Variants in DNM3 observed in about 807,000 individuals in gnomAD.
DNM3 encodes the protein dynamin-3.
DNM3 carries 47 observed loss-of-function variants against 101.6 expected under a neutral mutation model. The observed-to-expected ratio is 0.46, with a 90% CI of 0.37 to 0.59. DNM3 has a LOEUF of 0.59. DNM3 is among the 20% of genes least tolerant of loss of function. The pLI is 0.00. For synonymous variants in DNM3, 385 were observed against 387.9 expected (o/e 0.99, Z 0.09); for missense variants, 849 against 1,085.7 (o/e 0.78, Z 3.06).
At chr1:172,276,557 A>ATATGTGTGTGTGTGTGTGTGTGTG (rs1553218156) in intron 15 of DNM3, among the ~76,000 whole-genome samples, 1 of 144,262 alleles carries the variant, frequency 6.9e-6, no homozygotes, top group African/African-American at 2.6e-5. Flanking sequence ...AAAAATCTTA[A>ATATGTGTGTGTGTGTGTGTGTGTG]TGTGTGTGTG....
intron 14 of DNM3, among the ~76,000 whole-genome samples, chr1:172,197,205 A>T (rs572717407): frequency 2.6e-5 from 4 of 151,996 alleles, no homozygotes; most frequent in African/African-American, 4.8e-5. Flanking sequence ...TTTGTCGAAG[A>T]TCAGATTGTT....
intron 15 of DNM3, among the ~76,000 whole-genome samples, chr1:172,282,278 A>G (rs2757505): frequency 3.3e-5 from 5 of 152,072 alleles, no homozygotes; most frequent in African/African-American, 1.2e-4. Context: ...TTGTGAACTA[A>G]TCACTTTCTC....
At chr1:172,122,136 G>A (rs1406000835) in intron 13 of DNM3, among the ~76,000 whole-genome samples, 1 of 152,058 alleles carries the variant, frequency 6.6e-6, no homozygotes, top group Non-Finnish European at 1.5e-5. Flanking sequence ...TTAATCACAT[G>A]AGTATTATAG....
At chr1:171,915,846 G>A (rs2145380) in intron 1 of DNM3, among the ~76,000 whole-genome samples, 3 of 151,958 alleles carry the variant, frequency 2.0e-5, no homozygotes, top group Admixed American at 6.5e-5. Context: ...CTGGTAGCTC[G>A]TTTCTATTCT....
At chr1:171,952,250 A>G (rs996632746) in intron 2 of DNM3, among the ~76,000 whole-genome samples, 2 of 152,224 alleles carry the variant, frequency 1.3e-5, no homozygotes, top group African/African-American at 4.8e-5. Context: ...TTATCTGCAA[A>G]TGCAAACTTC....
intron 20 of DNM3, among the ~76,000 whole-genome samples, chr1:172,396,311 G>A (rs2069995090): frequency 6.6e-6 from 1 of 152,156 alleles, no homozygotes; most frequent in African/African-American, 2.4e-5. Context: ...GCAAGGTAGG[G>A]TCTTCCTAAC....
intron 4 of DNM3, among the ~76,000 whole-genome samples, chr1:172,020,260 C>T (rs867788692): frequency 4.6e-5 from 7 of 152,056 alleles, no homozygotes; most frequent in East Asian, 1.9e-4. Context: ...TAGGTGGGAC[C>T]GGATGGCTAC....
intron 15 of DNM3, among the ~76,000 whole-genome samples, chr1:172,271,328 G>A (rs370235911): frequency 6.6e-6 from 1 of 152,030 alleles, no homozygotes; most frequent in South Asian, 2.1e-4. Context: ...AATTAAAAAT[G>A]AGGTTTTAAA....
At chr1:172,196,336 T>C (rs2059948246) in intron 14 of DNM3, among the ~76,000 whole-genome samples, 1 of 152,068 alleles carries the variant, frequency 6.6e-6, no homozygotes, top group Admixed American at 6.6e-5. Flanking sequence ...ATTCCGTGTC[T>C]TTGCTATTGT....
chr1:171,878,154 A>T (rs1380448366), intron 1 of DNM3, among the ~76,000 whole-genome samples: 1 of 152,182 alleles, frequency 6.6e-6, no homozygotes, highest in East Asian at 1.9e-4. Flanking sequence ...GGTATTAAAG[A>T]TAAGACTTCC....
At chr1:172,115,250 C>T (rs898572684) in intron 13 of DNM3, among the ~76,000 whole-genome samples, 3 of 151,952 alleles carry the variant, frequency 2.0e-5, no homozygotes, top group Non-Finnish European at 4.4e-5. Context: ...CTTTTTTCCC[C>T]TCTCATACCA....
chr1:172,338,164 C>T (rs1041315385), intron 17 of DNM3, among the ~76,000 whole-genome samples: 1 of 152,086 alleles, frequency 6.6e-6, no homozygotes, highest in African/African-American at 2.4e-5. Context: ...ATCCACCTGC[C>T]TCAGCCTCCC....
At position 171,884,188 on chromosome 1, in the gene DNM3, G is replaced by A. The variant is rs185439305; in HGVS notation, c.162-37560G>A. ...AGTTTGTTAGTGGAAACAGAAGCAC[G>A]TGGTTTCTGATTTGGTTCTGGTGTT... On this transcript the variant is annotated intron_variant, in intron 1 of 20. Coordinates refer to ENST00000627582, the MANE Select transcript of DNM3 (RefSeq NM_015569.5). 2.6e-4 allele frequency among the ~76,000 whole-genome samples: 39 copies of A among 152,338 alleles called. No individual in the cohort carries two copies. The East Asian group carries it at 6.0e-3, about 23-fold the overall frequency.
intron 1 of DNM3, among the ~76,000 whole-genome samples, chr1:171,919,940 AT>A (rs200029618): frequency 6.6e-6 from 1 of 151,922 alleles, no homozygotes; most frequent in African/African-American, 2.4e-5. Flanking sequence ...TTCTCAGTGA[AT>A]TTTTTTTGAT....
chr1:172,062,143 T>TG (rs1328835910), intron 10 of DNM3, among the ~76,000 whole-genome samples: 1 of 152,190 alleles, frequency 6.6e-6, no homozygotes, highest in African/African-American at 2.4e-5. Flanking sequence ...TAATTTACCA[T>TG]GGTCCCTGAT....
intron 15 of DNM3, among the ~76,000 whole-genome samples, chr1:172,295,053 C>T (rs2757489): frequency 0.1 from 15,276 of 152,066 alleles, 1,068 homozygotes; most frequent in African/African-American, 0.2. Flanking sequence ...TGTCAGTCAA[C>T]GTTTGCAAGA....
At chr1:172,070,202 A>G (rs1380932264) in intron 11 of DNM3, among the ~76,000 whole-genome samples, 1 of 152,182 alleles carries the variant, frequency 6.6e-6, no homozygotes, top group Non-Finnish European at 1.5e-5. Flanking sequence ...CCAAAAGAGG[A>G]GAAAACAGGC....
chr1:172,250,974 C>T (rs2062144913), intron 14 of DNM3, among the ~76,000 whole-genome samples: 1 of 152,054 alleles, frequency 6.6e-6, no homozygotes, highest in African/African-American at 2.4e-5. Flanking sequence ...CCAATATATT[C>T]AAAATGTTAT....
intron 14 of DNM3, among the ~76,000 whole-genome samples, chr1:172,171,993 G>T (rs2058978002): frequency 6.6e-6 from 1 of 151,648 alleles, no homozygotes; most frequent in Non-Finnish European, 1.5e-5. Context: ...ACAGCACCTG[G>T]TGCCTGTTGA....
Sources: allele counts gnomAD v4.1 joint callset (sites outside exome capture counted in the v4.1 genomes callset), GRCh38; gene constraint gnomAD v4.1.1; transcripts MANE v1.5; gene names NCBI Gene and HGNC (gene_info 2026-07-23, HGNC 2026-07-21).